EIF2AK4: variants seen among roughly 807,000 people sequenced by gnomAD.
EIF2AK4 encodes the protein eIF-2-alpha kinase GCN2.
In EIF2AK4, 139 loss-of-function variants were observed where a neutral mutation model predicts 211.1. The observed-to-expected ratio is 0.66, with a 90% confidence interval of 0.57 to 0.76. EIF2AK4 has a LOEUF of 0.76. Among genes scored for constraint, EIF2AK4 ranks in the 30% least tolerant of loss-of-function variants. The pLI is 0.00. For synonymous variants in EIF2AK4, 710 were observed against 751.3 expected, an observed-to-expected ratio of 0.94 and a Z score of 0.90; for missense variants, 1,664 against 2,043.8, an observed-to-expected ratio of 0.81 and a Z score of 3.58.
Position 40,022,218 on chromosome 15 carries a change from GT to G in EIF2AK4, c.4303-299del, listed in dbSNP as rs111639490. The G allele has an allele frequency of 0.016, 3,735 of 239,950 alleles. 135 individuals are homozygous for G. The highest frequency in any genetic ancestry group is 0.082 in the African/African-American group (3,372 of 41,028). The allele number at this position is 239,950 out of a possible 1,614,324, so 14.9% of individuals were successfully genotyped here. A position where few individuals can be genotyped will look rare whatever the true frequency, so the allele number is the denominator to read the frequency against. On this transcript the variant is annotated intron_variant, in intron 31 of 38. Coordinates refer to ENST00000263791, the MANE Select transcript of EIF2AK4 (RefSeq NM_001013703.4). ...TGTGTGTGTGTGTGTGTGTGTGTAT[GT>G]TGTGTTGTATAATTTTGGGCATCTT...
chr15:39,978,738 A>G (rs1349256393), intron 13 of EIF2AK4, among the ~76,000 whole-genome samples: 2 of 152,192 alleles, frequency 1.3e-5, no homozygotes, highest in African/African-American at 4.8e-5. Flanking sequence ...AAAAAATCTC[A>G]TAATTTTTTT....
chr15:40,031,147 G>A (rs1406804995), intron 35 of EIF2AK4, among the ~76,000 whole-genome samples: 1 of 152,152 alleles, frequency 6.6e-6, no homozygotes, highest in Non-Finnish European at 1.5e-5. Flanking sequence ...GGCTGAGACA[G>A]GAGAATTGCT....
intron 2 of EIF2AK4, among the ~76,000 whole-genome samples, chr15:39,942,310 GC>G (rs1187852828): frequency 6.6e-5 from 10 of 152,104 alleles, no homozygotes; most frequent in Admixed American, 6.5e-4. Context: ...AGAAATTTCA[GC>G]CCCATCCCAG....
At chr15:39,977,002 G>T in intron 12 of EIF2AK4, 158 bp downstream of exon 12, 1 of 935,448 alleles carries the variant, frequency 1.1e-6, no homozygotes, top group Non-Finnish European at 1.4e-6. Context: ...CCAGGCTGGA[G>T]GTCAGTGGCG....
intron 13 of EIF2AK4, chr15:39,978,367 A>T (rs967612894): frequency 3.5e-6 from 1 of 283,034 alleles, no homozygotes; most frequent in African/African-American, 2.2e-5. Context: ...TTTAGAAGAG[A>T]GGAGTCAGTT....
intron 9 of EIF2AK4, among the ~76,000 whole-genome samples, chr15:39,970,539 C>CT (rs1358689850): frequency 3.3e-5 from 5 of 152,004 alleles, no homozygotes. Context: ...TAAAAAAAAT[C>CT]TTTAAGTACT....
chr15:39,984,236 G>A (rs2140923754), intron 13 of EIF2AK4, among the ~76,000 whole-genome samples: 1 of 152,330 alleles, frequency 6.6e-6, no homozygotes, highest in Non-Finnish European at 1.5e-5. Flanking sequence ...CCAGTACCAA[G>A]CTGTTTTGGT....
chr15:39,964,332 T>C (rs905981783), intron 7 of EIF2AK4, among the ~76,000 whole-genome samples: 4 of 152,212 alleles, frequency 2.6e-5, no homozygotes, highest in African/African-American at 9.6e-5. Context: ...TAGTATAGCA[T>C]CATGGAAAAC....
intron 25 of EIF2AK4, 83 bp downstream of exon 25, chr15:40,008,278 C>T (rs1330560091): frequency 1.6e-6 from 2 of 1,236,526 alleles, no homozygotes; most frequent in African/African-American, 3.1e-5. Context: ...AGCTACAGAC[C>T]TGCTTCTCAG....
chr15:39,961,983 C>T, intron 7 of EIF2AK4, 84 bp downstream of exon 7: 1 of 1,052,292 alleles, frequency 9.5e-7, no homozygotes, highest in Admixed American at 1.8e-5. Context: ...GACACTGTGT[C>T]ATTCAGACCA....
In EIF2AK4 at chr15:40,030,639, G is replaced by T. The variant is rs142908647; in HGVS notation, c.4659+183G>T. On this transcript the variant is annotated intron_variant, in intron 35 of 38. Coordinates refer to ENST00000263791, the MANE Select transcript of EIF2AK4 (RefSeq NM_001013703.4). ...CTCCAGGATTCCCATCTGTCCTTCA[G>T]AGAGGGGCCATTGTGCACTGTGGGC... Among the ~76,000 whole-genome samples the T allele has an allele frequency of 9.9e-5, 15 of 152,274 alleles. No individual in the cohort carries two copies. The East Asian group carries it at 2.9e-3, about 29-fold the overall frequency.
chr15:39,958,942 G>A (rs1424780062), intron 6 of EIF2AK4, among the ~76,000 whole-genome samples: 1 of 150,910 alleles, frequency 6.6e-6, no homozygotes, highest in African/African-American at 2.4e-5. Context: ...CTTTTTTCAG[G>A]TATCAAGCTC....
chr15:39,962,073 T>A (rs1004586646), intron 7 of EIF2AK4, among the ~76,000 whole-genome samples, 174 bp downstream of exon 7: 1 of 152,132 alleles, frequency 6.6e-6, no homozygotes, highest in East Asian at 1.9e-4. Flanking sequence ...ATCACTCAGG[T>A]TTCCTCTAAT....
At position 40,017,248 on chromosome 15, in the gene EIF2AK4, GGC is replaced by G. The variant is rs753756771; in HGVS notation, c.4065+7_4065+8del. On this transcript the variant is annotated splice_region_variant and intron_variant, in intron 29 of 38. Transcript: ENST00000263791. Reference sequence around the variant, plus strand: ...GAGGCAGATATGACCTGCTGGTGAGGGCTTGCCCTTTATTTATTTGCTCTGAC... The same window carrying G: ...GAGGCAGATATGACCTGCTGGTGAGGTTGCCCTTTATTTATTTGCTCTGAC... 3.8e-6 allele frequency: 6 copies of G among 1,597,420 alleles called. No individual in the cohort carries two copies. The South Asian group carries it at 6.7e-5, about 18-fold the overall frequency.
chr15:39,967,311 C>T, intron 8 of EIF2AK4, 33 bp from the exon 9 acceptor site: 1 of 1,495,276 alleles, frequency 6.7e-7, no homozygotes, highest in Non-Finnish European at 8.9e-7. Flanking sequence ...TTGACTGGCC[C>T]AATATTCTTT....
At chr15:39,985,211 C>T (rs2034848197) in intron 13 of EIF2AK4, among the ~76,000 whole-genome samples, 1 of 152,072 alleles carries the variant, frequency 6.6e-6, no homozygotes, top group African/African-American at 2.4e-5. Flanking sequence ...CTGACTTGGT[C>T]GTGGTGGATA....
intron 24 of EIF2AK4, among the ~76,000 whole-genome samples, chr15:40,007,824 T>C (rs1750687993): frequency 1.3e-5 from 2 of 152,132 alleles, no homozygotes; most frequent in Non-Finnish European, 1.5e-5. Context: ...TTAAGCCCCA[T>C]AGCTTAATAG....
chr15:39,959,043 A>T (rs1164064307), intron 6 of EIF2AK4, among the ~76,000 whole-genome samples: 1 of 152,188 alleles, frequency 6.6e-6, no homozygotes, highest in Non-Finnish European at 1.5e-5. Context: ...ATTTTATTTG[A>T]AACACCCTTC....
intron 30 of EIF2AK4, chr15:40,020,560 C>G (rs1157777712): frequency 6.6e-6 from 1 of 151,358 alleles, no homozygotes; most frequent in Non-Finnish European, 1.5e-5. Flanking sequence ...CATGGTGGTG[C>G]ACGCCTGTAA....
Sources: allele counts gnomAD v4.1 joint callset (sites outside exome capture counted in the v4.1 genomes callset), GRCh38; gene constraint gnomAD v4.1.1; transcripts MANE v1.5; gene names NCBI Gene and HGNC (gene_info 2026-07-23, HGNC 2026-07-21).